The following SLC71A2 variants were observed in gnomAD, a reference collection of about 807,000 sequenced individuals.
The protein encoded by SLC71A2 is solute carrier family 71 member 2.
At chr9:94,445,916 C>G in the SLC71A2 span, among the ~76,000 whole-genome samples, 1 of 152,186 alleles carries the variant, frequency 6.6e-6, no homozygotes, top group Non-Finnish European at 1.5e-5. Flanking sequence ...AGGGATCCTG[C>G]CTGTTCTATT....
chr9:94,405,596 T>C, the SLC71A2 span, among the ~76,000 whole-genome samples: 1 of 151,992 alleles, frequency 6.6e-6, no homozygotes, highest in Non-Finnish European at 1.5e-5. Flanking sequence ...GCTTCCTCAG[T>C]AGGTAGAAAT....
chr9:94,391,507 CAGG>C, the SLC71A2 span, among the ~76,000 whole-genome samples: 3 of 151,632 alleles, frequency 2.0e-5, no homozygotes, highest in Non-Finnish European at 4.4e-5. Context: ...CTAGAGAAGT[CAGG>C]AGGAGAAATT....
the SLC71A2 span, among the ~76,000 whole-genome samples, chr9:94,375,571 A>G: frequency 1.9e-4 from 29 of 152,300 alleles, 1 homozygote; most frequent in South Asian, 1.5e-3. Flanking sequence ...ATATGGTGCA[A>G]TATTAAGCCT....
At chr9:94,445,231 C>T in the SLC71A2 span, 1 of 1,455,870 alleles carries the variant, frequency 6.9e-7, no homozygotes, top group East Asian at 2.5e-5. Flanking sequence ...CTTTCTAAGC[C>T]AAGCAAATGA....
At chr9:94,421,974 C>T in the SLC71A2 span, among the ~76,000 whole-genome samples, 4 of 151,992 alleles carry the variant, frequency 2.6e-5, no homozygotes, top group African/African-American at 4.8e-5. Flanking sequence ...AGTGCAGTTG[C>T]GCTATCTCGG....
At chr9:94,444,950 G>T in the SLC71A2 span, 1 of 1,612,146 alleles carries the variant, frequency 6.2e-7, no homozygotes, top group South Asian at 1.1e-5. Context: ...GGGTGAGAGT[G>T]TGCTTTCCCA....
At chr9:94,387,942 T>C in the SLC71A2 span, among the ~76,000 whole-genome samples, 1 of 152,162 alleles carries the variant, frequency 6.6e-6, no homozygotes, top group Non-Finnish European at 1.5e-5. Context: ...ACTATTCATC[T>C]GACTAATTGC....
chr9:94,408,894 G>A, the SLC71A2 span, among the ~76,000 whole-genome samples: 1 of 146,100 alleles, frequency 6.8e-6, no homozygotes, highest in Admixed American at 6.9e-5. Context: ...CACGATCTCT[G>A]CTCACTGCAA....
chr9:94,453,534 AC>A, the SLC71A2 span, among the ~76,000 whole-genome samples: 1 of 152,236 alleles, frequency 6.6e-6, no homozygotes, highest in Non-Finnish European at 1.5e-5. Context: ...AATCAAACTT[AC>A]ATCCCAATTC....
the SLC71A2 span, among the ~76,000 whole-genome samples, chr9:94,429,906 TTTA>T: frequency 7.1e-6 from 1 of 140,872 alleles, no homozygotes; most frequent in Non-Finnish European, 1.5e-5. Flanking sequence ...CATTCTTTAT[TTTA>T]TTTTTTTTTT....
chr9:94,459,297 T>G, the SLC71A2 span: 1 of 1,614,170 alleles, frequency 6.2e-7, no homozygotes, highest in Non-Finnish European at 8.5e-7. Flanking sequence ...AGCGGCAGCC[T>G]GACCAACACC....
chr9:94,409,973 T>A, the SLC71A2 span, among the ~76,000 whole-genome samples: 1 of 143,582 alleles, frequency 7.0e-6, no homozygotes, highest in East Asian at 2.0e-4. Context: ...TATTTCTTGC[T>A]GATCTTCTAA....
the SLC71A2 span, among the ~76,000 whole-genome samples, chr9:94,442,905 AAAAAG>A: frequency 4.6e-5 from 7 of 152,076 alleles, no homozygotes; most frequent in Non-Finnish European, 7.4e-5. Flanking sequence ...CCCTGCCAAA[AAAAAG>A]AAAAGAAAAA....
At chr9:94,440,439 T>C in the SLC71A2 span, among the ~76,000 whole-genome samples, 1 of 151,930 alleles carries the variant, frequency 6.6e-6, no homozygotes, top group Non-Finnish European at 1.5e-5. Flanking sequence ...ATAATTATAT[T>C]AATAGATTTT....
chr9:94,379,361 C>T, the SLC71A2 span, among the ~76,000 whole-genome samples: 1 of 146,496 alleles, frequency 6.8e-6, no homozygotes, highest in East Asian at 2.0e-4. Context: ...GCTGGAATTA[C>T]AGGCGTGAGC....
the SLC71A2 span, among the ~76,000 whole-genome samples, chr9:94,445,783 G>A: frequency 6.6e-6 from 1 of 151,958 alleles, no homozygotes; most frequent in South Asian, 2.1e-4. Context: ...AAAAAAGTTT[G>A]TAGACAAAAA....
chr9:94,422,508 C>T, the SLC71A2 span, among the ~76,000 whole-genome samples: 3 of 152,188 alleles, frequency 2.0e-5, no homozygotes, highest in East Asian at 1.9e-4. Flanking sequence ...AACATGTATA[C>T]GTGTTTCTTG....
chr9:94,389,351 C>T, the SLC71A2 span, among the ~76,000 whole-genome samples: 7 of 150,282 alleles, frequency 4.7e-5, no homozygotes, highest in Non-Finnish European at 8.9e-5. Flanking sequence ...CTGCAACCTC[C>T]GCCTCCTGTG....
the SLC71A2 span, among the ~76,000 whole-genome samples, chr9:94,383,765 G>A: frequency 1.3e-5 from 2 of 151,870 alleles, no homozygotes; most frequent in African/African-American, 2.4e-5. Flanking sequence ...GTCTTCTGAT[G>A]CATGAATGTA....
Sources: allele counts gnomAD v4.1 joint callset (sites outside exome capture counted in the v4.1 genomes callset), GRCh38; gene constraint gnomAD v4.1.1; transcripts MANE v1.5; gene names NCBI Gene and HGNC (gene_info 2026-07-23, HGNC 2026-07-21).